The following SDK1 variants were observed in gnomAD, a reference collection of about 807,000 sequenced individuals.
The protein encoded by SDK1 is sidekick cell adhesion molecule 1, also known as protein sidekick-1.
SDK1 carries 157 observed loss-of-function variants against 245.5 expected under a neutral mutation model. That is an observed-to-expected ratio of 0.64 (90% CI 0.56 to 0.73). The LOEUF is 0.73. SDK1 is among the 30% of genes least tolerant of loss of function. The pLI is 0.00. For missense variants in SDK1, 3,583 were observed against 3,002.3 expected (o/e 1.19, Z -4.52); for synonymous variants, 1,647 against 1,278.5 (o/e 1.29, Z -6.15).
At position 3,574,668 on chromosome 7, in the gene SDK1, A is replaced by C. The variant is rs553378836; in HGVS notation, c.299-44412A>C. On this transcript the variant is annotated intron_variant, in intron 1 of 44. Transcript: ENST00000404826. ...TCCCCTCCACGCATACATTTTATGC[A>C]GCTAAAGTAGTGTATAAAGTAGCTG... Among the ~76,000 whole-genome samples the C allele has an allele frequency of 2.6e-5, 4 of 152,224 alleles. No individual in the cohort carries two copies. The East Asian group carries it at 7.7e-4, about 29-fold the overall frequency.
intron 4 of SDK1, among the ~76,000 whole-genome samples, chr7:3,791,694 C>G (rs1781096372): frequency 2.0e-5 from 3 of 152,146 alleles, no homozygotes; most frequent in Admixed American, 6.5e-5. Flanking sequence ...TTTCCTGTCT[C>G]TGAAAGGAGA....
chr7:4,076,753 G>C (rs1225497809), intron 20 of SDK1, among the ~76,000 whole-genome samples: 1 of 152,170 alleles, frequency 6.6e-6, no homozygotes, highest in African/African-American at 2.4e-5. Context: ...CGCCCTGGTA[G>C]GGAGGGATGG....
intron 5 of SDK1, 39 bp from the exon 6 acceptor site, chr7:3,950,884 C>G (rs201811149): frequency 1.3e-6 from 2 of 1,533,890 alleles, no homozygotes; most frequent in East Asian, 2.3e-5. Context: ...TGCTCCTGTA[C>G]TTAGAGTTTC....
At chr7:3,681,412 C>G (rs1161992178) in intron 4 of SDK1, among the ~76,000 whole-genome samples, 2 of 152,146 alleles carry the variant, frequency 1.3e-5, no homozygotes, top group Admixed American at 6.6e-5. Flanking sequence ...CTGCTCTGAC[C>G]TTTCCTGTAC....
chr7:3,531,097 T>C (rs1562543459), intron 1 of SDK1, among the ~76,000 whole-genome samples: 1 of 152,204 alleles, frequency 6.6e-6, no homozygotes, highest in South Asian at 2.1e-4. Context: ...TAACAAGATT[T>C]GACTAATATG....
chr7:3,757,891 G>T (rs1779982403), intron 4 of SDK1, among the ~76,000 whole-genome samples: 1 of 152,168 alleles, frequency 6.6e-6, no homozygotes. Flanking sequence ...CTGGTGACCA[G>T]CACCCATCCT....
At chr7:4,237,571 A>T in intron 41 of SDK1, 76 bp from the exon 42 acceptor site, 1 of 1,563,922 alleles carries the variant, frequency 6.4e-7, no homozygotes, top group South Asian at 1.1e-5. Context: ...TTCCCTGCCA[A>T]CCACCTGACT....
At chr7:3,332,428 A>G (rs1417238982) in intron 1 of SDK1, among the ~76,000 whole-genome samples, 1 of 152,184 alleles carries the variant, frequency 6.6e-6, no homozygotes, top group East Asian at 1.9e-4. Flanking sequence ...GAAAAGGGAT[A>G]TGGTTCAACA....
intron 4 of SDK1, among the ~76,000 whole-genome samples, chr7:3,644,558 G>C (rs1178665756): frequency 6.6e-6 from 1 of 151,314 alleles, no homozygotes; most frequent in East Asian, 1.9e-4. Flanking sequence ...GCAATCTGGA[G>C]TTTAAAAACA....
chr7:3,711,428 A>G (rs1785045180), intron 4 of SDK1, among the ~76,000 whole-genome samples: 1 of 152,216 alleles, frequency 6.6e-6, no homozygotes, highest in Non-Finnish European at 1.5e-5. Context: ...TGAATAAACA[A>G]GATGATGATA....
At chr7:3,403,657 G>C (rs1468684379) in intron 1 of SDK1, among the ~76,000 whole-genome samples, 1 of 151,032 alleles carries the variant, frequency 6.6e-6, no homozygotes, top group African/African-American at 2.4e-5. Context: ...TATCCTATCA[G>C]CTTTTTGATG....
intron 12 of SDK1, among the ~76,000 whole-genome samples, chr7:3,973,059 C>T (rs1460772950): frequency 2.0e-5 from 3 of 152,108 alleles, no homozygotes; most frequent in East Asian, 3.9e-4. Flanking sequence ...CCTGTGGTTT[C>T]GTAGTAGCTT....
At chr7:3,772,480 TTA>T (rs1398445701) in intron 4 of SDK1, among the ~76,000 whole-genome samples, 8 of 152,174 alleles carry the variant, frequency 5.3e-5, no homozygotes, top group African/African-American at 1.4e-4. Flanking sequence ...CATTAGCCTT[TTA>T]AATAACATAG....
chr7:4,057,268 C>A (rs1037806582), intron 19 of SDK1, among the ~76,000 whole-genome samples: 1 of 152,158 alleles, frequency 6.6e-6, no homozygotes, highest in Non-Finnish European at 1.5e-5. Flanking sequence ...GCTCAGCCTC[C>A]CCCAGTATGA....
rs569496713 is a variant in SDK1 at position 3,893,441 on chromosome 7, C to T, written c.848-57482C>T. 1.4e-4 allele frequency among the ~76,000 whole-genome samples: 22 copies of T among 152,032 alleles called. No homozygotes were observed. In the South Asian group the frequency reaches 4.0e-3, roughly 27 times the overall value. ...AGTTTTGTTGTGGGGATAAATGAGC[C>T]GGTGCATGCAAACTCAAGTAGCTGT... On this transcript the variant is annotated intron_variant, in intron 5 of 44. Transcript: ENST00000404826.
chr7:3,672,796 A>ATATATATATATAT (rs1554307151), intron 4 of SDK1, among the ~76,000 whole-genome samples: 756 of 52,724 alleles, frequency 0.014, 17 homozygotes, highest in Non-Finnish European at 0.019. Context: ...TATATATATA[A>ATATATATATATAT]AAAATACAGA....
chr7:3,617,256 C>A (rs1781800108), intron 1 of SDK1, among the ~76,000 whole-genome samples: 1 of 152,152 alleles, frequency 6.6e-6, no homozygotes, highest in Admixed American at 6.5e-5. Context: ...TATTAGCTAT[C>A]CCCTTAGTTC....
intron 5 of SDK1, among the ~76,000 whole-genome samples, chr7:3,863,492 A>G (rs756510063): frequency 3.3e-5 from 5 of 152,164 alleles, no homozygotes; most frequent in African/African-American, 4.8e-5. Context: ...GCACATTCAT[A>G]TTGTTGCACC....
At chr7:3,988,139 T>G (rs930903173) in intron 14 of SDK1, among the ~76,000 whole-genome samples, 1 of 144,284 alleles carries the variant, frequency 6.9e-6, no homozygotes, top group South Asian at 2.5e-4. Context: ...AATGTTTTTT[T>G]TTTTTTTTTT....
Sources: allele counts gnomAD v4.1 joint callset (sites outside exome capture counted in the v4.1 genomes callset), GRCh38; gene constraint gnomAD v4.1.1; transcripts MANE v1.5; gene names NCBI Gene and HGNC (gene_info 2026-07-23, HGNC 2026-07-21).